Variants in CSMD1 observed in about 807,000 individuals in gnomAD.
CSMD1 encodes CUB and Sushi multiple domains 1, also known as CUB and sushi domain-containing protein 1.
Under a neutral mutation model 417.5 loss-of-function variants are expected in CSMD1, and 213 were observed. The ratio of observed to expected loss-of-function variants is 0.51; its 90% CI spans 0.46 to 0.57. The LOEUF (loss-of-function observed/expected upper bound fraction) is 0.57. CSMD1 is among the 20% of genes least tolerant of loss of function. CSMD1 has a pLI of 0.00. For missense variants in CSMD1, 6,923 were observed against 4,529.7 expected (o/e 1.53, Z -15.17); for synonymous variants, 2,862 against 1,736.8 (o/e 1.65, Z -16.11).
At chr8:3,610,925 C>T (rs575159426) in intron 8 of CSMD1, among the ~76,000 whole-genome samples, 2 of 151,848 alleles carry the variant, frequency 1.3e-5, no homozygotes, top group East Asian at 2.0e-4. Context: ...AAACTGATGG[C>T]GATTTCGCAC....
At chr8:4,269,890 T>C (rs190256116) in intron 3 of CSMD1, among the ~76,000 whole-genome samples, 1 of 152,140 alleles carries the variant, frequency 6.6e-6, no homozygotes, top group Non-Finnish European at 1.5e-5. Flanking sequence ...GGAGTTTATA[T>C]TACAGAATTC....
chr8:4,019,650 C>A (rs1050437611), intron 4 of CSMD1, among the ~76,000 whole-genome samples: 4 of 152,128 alleles, frequency 2.6e-5, no homozygotes, highest in African/African-American at 4.8e-5. Context: ...AGAAAGGGAG[C>A]TGGAACTTAA....
At position 4,405,699 on chromosome 8, in the gene CSMD1, G is replaced by A. The variant is rs148310236; in HGVS notation, c.415+14254C>T. Among the ~76,000 whole-genome samples the A allele has an allele frequency of 6.3e-4, 96 of 152,326 alleles. 1 individual carries two copies. The highest frequency in any genetic ancestry group is 2.2e-3 in the African/African-American group (90 of 41,570). ...ATCGCTAAGCTCCATAAAACAGGAT[G>A]TGTCTATTGCTTCTTATGAAACCAT... On this transcript the variant is annotated intron_variant, in intron 3 of 69. Transcript: ENST00000635120.
chr8:4,886,451 G>C (rs903984755), intron 1 of CSMD1, among the ~76,000 whole-genome samples: 1 of 151,906 alleles, frequency 6.6e-6, no homozygotes, highest in African/African-American at 2.4e-5. Context: ...AAAGATATTG[G>C]TCTGTGGATT....
intron 2 of CSMD1, among the ~76,000 whole-genome samples, chr8:4,474,918 T>C (rs1417402014): frequency 6.6e-6 from 1 of 152,190 alleles, no homozygotes; most frequent in African/African-American, 2.4e-5. Flanking sequence ...ACATATAACA[T>C]ACAAAATGTG....
At chr8:4,941,721 C>A (rs1442580339) in intron 1 of CSMD1, among the ~76,000 whole-genome samples, 3 of 152,174 alleles carry the variant, frequency 2.0e-5, no homozygotes, top group Non-Finnish European at 4.4e-5. Context: ...GCCTCAACCT[C>A]CTGAGTAGTT....
chr8:2,954,350 T>C, intron 64 of CSMD1, 82 bp from the exon 65 acceptor site: 1 of 817,844 alleles, frequency 1.2e-6, no homozygotes, highest in Admixed American at 2.9e-5. Flanking sequence ...ATTGAAGCAA[T>C]TTTCCTTTCT....
At chr8:4,438,866 C>A (rs1039074833) in intron 2 of CSMD1, among the ~76,000 whole-genome samples, 15 of 152,140 alleles carry the variant, frequency 9.9e-5, no homozygotes, top group Non-Finnish European at 2.9e-5. Context: ...GTATCACGTT[C>A]CCTTGAAAGC....
intron 3 of CSMD1, among the ~76,000 whole-genome samples, chr8:4,149,248 G>A (rs1796442688): frequency 6.6e-6 from 1 of 152,094 alleles, no homozygotes; most frequent in Non-Finnish European, 1.5e-5. Context: ...ACAGGCATAA[G>A]CCACTATGCC....
At chr8:4,752,485 G>A (rs762007094) in intron 1 of CSMD1, among the ~76,000 whole-genome samples, 3 of 152,210 alleles carry the variant, frequency 2.0e-5, no homozygotes, top group Admixed American at 2.0e-4. Flanking sequence ...ATCTTTGCTA[G>A]TGGCTTTGGT....
chr8:4,601,069 G>A (rs893370561), intron 2 of CSMD1, among the ~76,000 whole-genome samples: 1 of 150,636 alleles, frequency 6.6e-6, no homozygotes, highest in East Asian at 2.0e-4. Flanking sequence ...CGATTCTCCT[G>A]CCTCAGCCTC....
intron 1 of CSMD1, among the ~76,000 whole-genome samples, chr8:4,869,055 T>G (rs1346696970): frequency 6.6e-6 from 1 of 151,922 alleles, no homozygotes; most frequent in African/African-American, 2.4e-5. Context: ...CCAAACATTA[T>G]CATCAGTTTC....
intron 3 of CSMD1, among the ~76,000 whole-genome samples, chr8:4,072,754 G>A (rs1395106591): frequency 2.6e-5 from 4 of 152,112 alleles, no homozygotes; most frequent in East Asian, 1.9e-4. Context: ...CTTACTCTCT[G>A]CAATTCCTTC....
chr8:3,299,567 T>TAAAAG (rs10650077), intron 25 of CSMD1, among the ~76,000 whole-genome samples: 116,793 of 151,654 alleles, frequency 0.77, 45,280 homozygotes, highest in Middle Eastern at 0.82. Context: ...GTCTGGCAGA[T>TAAAAG]AAAAGCACGC....
At chr8:4,792,029 G>C (rs576358971) in intron 1 of CSMD1, among the ~76,000 whole-genome samples, 29 of 152,044 alleles carry the variant, frequency 1.9e-4, no homozygotes, top group African/African-American at 5.3e-4. Context: ...TATCTCACTA[G>C]AAAAGTGGTG....
chr8:3,898,730 T>C (rs982465837), intron 5 of CSMD1, among the ~76,000 whole-genome samples: 1 of 152,138 alleles, frequency 6.6e-6, no homozygotes, highest in South Asian at 2.1e-4. Context: ...GAGCAGAAAA[T>C]CCTACTTTTC....
At chr8:3,353,621 A>C (rs1478767200) in intron 21 of CSMD1, among the ~76,000 whole-genome samples, 1 of 152,150 alleles carries the variant, frequency 6.6e-6, no homozygotes, top group Non-Finnish European at 1.5e-5. Flanking sequence ...TCAGAAAATC[A>C]CAAGAGTTAA....
intron 46 of CSMD1, among the ~76,000 whole-genome samples, chr8:3,105,658 G>A (rs750436468): frequency 1.3e-5 from 2 of 152,150 alleles, no homozygotes; most frequent in East Asian, 1.9e-4. Flanking sequence ...AAACATATGT[G>A]AGAAAAACTT....
chr8:4,488,285 T>C (rs1563226000), intron 2 of CSMD1, among the ~76,000 whole-genome samples: 6 of 152,144 alleles, frequency 3.9e-5, no homozygotes. Flanking sequence ...CTGAAAGACC[T>C]CTACTTCATA....
Sources: gnomAD v4.1 joint callset for allele counts (sites outside exome capture counted in the v4.1 genomes callset) on GRCh38, gnomAD v4.1.1 for gene constraint, MANE v1.5 for transcripts, NCBI Gene and HGNC (gene_info 2026-07-23, HGNC 2026-07-21) for gene names.